Variants in SH3BGRL2 observed in about 807,000 individuals in gnomAD.
SH3BGRL2 encodes the protein SH3 domain binding glutamate rich protein like 2, also known as SH3 domain-binding glutamic acid-rich-like protein 2.
SH3BGRL2 carries 21 observed loss-of-function variants against 14.8 expected under a neutral mutation model. The observed-to-expected ratio is 1.42, with a 90% confidence interval of 1.01 to 2.05. The LOEUF (loss-of-function observed/expected upper bound fraction) is 2.05. Among genes scored for constraint, SH3BGRL2 ranks in the 30% most tolerant of loss-of-function variants. SH3BGRL2 has a pLI of 0.00. For synonymous variants in SH3BGRL2, 50 were observed against 47.8 expected, an observed-to-expected ratio of 1.05 and a Z score of -0.19; for missense variants, 147 against 130.8, an observed-to-expected ratio of 1.12 and a Z score of -0.61.
chr6:79,551,716 AC>A, the SH3BGRL2 span, among the ~76,000 whole-genome samples: 2 of 152,330 alleles, frequency 1.3e-5, no homozygotes, highest in East Asian at 3.9e-4. Context: ...GAACAAACAC[AC>A]GTGTAACATA....
chr6:79,602,716 T>C, the SH3BGRL2 span, among the ~76,000 whole-genome samples: 3 of 152,308 alleles, frequency 2.0e-5, no homozygotes, highest in African/African-American at 7.2e-5. Flanking sequence ...ACTCAAACGT[T>C]AAGAAAAATG....
chr6:79,596,307 G>A, the SH3BGRL2 span, among the ~76,000 whole-genome samples: 209 of 152,240 alleles, frequency 1.4e-3, 3 homozygotes, highest in African/African-American at 4.5e-3. Flanking sequence ...CTACAGGCAC[G>A]TGCCACTGTG....
chr6:79,665,739 T>C (rs1368914044), intron 1 of SH3BGRL2, among the ~76,000 whole-genome samples: 1 of 152,244 alleles, frequency 6.6e-6, no homozygotes. Flanking sequence ...CACAGCATTT[T>C]CTATCATTAA....
At chr6:79,619,470 G>T in the SH3BGRL2 span, among the ~76,000 whole-genome samples, 1 of 152,222 alleles carries the variant, frequency 6.6e-6, no homozygotes, top group Admixed American at 6.5e-5. Context: ...CTCAAAACAA[G>T]TGGTTTAGTT....
At chr6:79,641,093 T>G (rs886476313) in intron 1 of SH3BGRL2, among the ~76,000 whole-genome samples, 2 of 151,894 alleles carry the variant, frequency 1.3e-5, no homozygotes, top group South Asian at 4.2e-4. Flanking sequence ...GGGAGTGTGG[T>G]CTTCTTCATT....
chr6:79,592,240 G>A, the SH3BGRL2 span, among the ~76,000 whole-genome samples: 1 of 152,154 alleles, frequency 6.6e-6, no homozygotes, highest in South Asian at 2.1e-4. Context: ...AAGGCAGTGT[G>A]ATAATACCAG....
At chr6:79,540,057 G>A in the SH3BGRL2 span, among the ~76,000 whole-genome samples, 3 of 152,204 alleles carry the variant, frequency 2.0e-5, no homozygotes, top group South Asian at 6.2e-4. Flanking sequence ...GTTGGTTTTA[G>A]CATATAACAC....
the SH3BGRL2 span, among the ~76,000 whole-genome samples, chr6:79,569,515 A>G: frequency 6.6e-6 from 1 of 152,132 alleles, no homozygotes; most frequent in Non-Finnish European, 1.5e-5. Flanking sequence ...AGGGCCTGCT[A>G]TCGGTTATGT....
the SH3BGRL2 span, among the ~76,000 whole-genome samples, chr6:79,586,793 A>G: frequency 1.3e-5 from 2 of 151,972 alleles, no homozygotes; most frequent in African/African-American, 4.8e-5. Context: ...GTCTTCCATC[A>G]CCCTTCTTCA....
At chr6:79,594,502 C>T in the SH3BGRL2 span, among the ~76,000 whole-genome samples, 2 of 152,118 alleles carry the variant, frequency 1.3e-5, no homozygotes, top group African/African-American at 4.8e-5. Flanking sequence ...TGGGCAGTGG[C>T]ATGGGGAGCC....
At chr6:79,649,995 A>ACACACG (rs1213679587) in intron 1 of SH3BGRL2, among the ~76,000 whole-genome samples, 3 of 151,384 alleles carry the variant, frequency 2.0e-5, no homozygotes, top group Non-Finnish European at 4.4e-5. Context: ...TCACACACAC[A>ACACACG]CACACACACA....
chr6:79,550,140 A>C, the SH3BGRL2 span, among the ~76,000 whole-genome samples: 1 of 152,176 alleles, frequency 6.6e-6, no homozygotes, highest in Non-Finnish European at 1.5e-5. Flanking sequence ...AAAAATAGTT[A>C]TTAACAAAAT....
the SH3BGRL2 span, among the ~76,000 whole-genome samples, chr6:79,572,669 G>T: frequency 3.3e-5 from 5 of 151,982 alleles, no homozygotes; most frequent in Non-Finnish European, 7.4e-5. Flanking sequence ...GTTTCACTGT[G>T]TTAGCCAGGA....
intron 3 of SH3BGRL2, 53 bp downstream of exon 3, chr6:79,696,618 T>C (rs1770337418): frequency 1.5e-6 from 2 of 1,347,310 alleles, no homozygotes; most frequent in African/African-American, 3.0e-5. Flanking sequence ...TTTGAATTTT[T>C]CTTAGAGATG....
chr6:79,538,018 GTTTTTTTTTTTTT>G, the SH3BGRL2 span, among the ~76,000 whole-genome samples: 7,935 of 44,056 alleles, frequency 0.18, 542 homozygotes, highest in Non-Finnish European at 0.21. Flanking sequence ...TTGCACACAA[GTTTTTTTTTTTTT>G]TTTTTTTTTT....
the SH3BGRL2 span, among the ~76,000 whole-genome samples, chr6:79,610,453 C>T: frequency 6.6e-6 from 1 of 152,324 alleles, no homozygotes; most frequent in African/African-American, 2.4e-5. Context: ...GCCTGCCTTA[C>T]GCACAACAGG....
chr6:79,594,496 C>T, the SH3BGRL2 span, among the ~76,000 whole-genome samples: 1 of 152,140 alleles, frequency 6.6e-6, no homozygotes, highest in Non-Finnish European at 1.5e-5. Flanking sequence ...CTACAGTGGG[C>T]AGTGGCATGG....
At chr6:79,633,925 G>A (rs2134856) in intron 1 of SH3BGRL2, among the ~76,000 whole-genome samples, 82,800 of 151,978 alleles carry the variant, frequency 0.54, 22,790 homozygotes, top group South Asian at 0.7. Flanking sequence ...CTTTAGTGGC[G>A]TAGCCATGAT....
intron 2 of SH3BGRL2, among the ~76,000 whole-genome samples, chr6:79,696,054 G>A (rs1383169286): frequency 6.6e-6 from 1 of 152,144 alleles, no homozygotes; most frequent in Non-Finnish European, 1.5e-5. Context: ...GACACATGGA[G>A]ACCTTTACAG....
Sources: gnomAD v4.1 joint callset for allele counts (sites outside exome capture counted in the v4.1 genomes callset) on GRCh38, gnomAD v4.1.1 for gene constraint, MANE v1.5 for transcripts, NCBI Gene and HGNC (gene_info 2026-07-23, HGNC 2026-07-21) for gene names.